Variants in JMJD1C observed in about 807,000 individuals in gnomAD.
JMJD1C encodes the protein jumonji domain-containing protein 1C.
A neutral mutation model predicts 245.3 loss-of-function variants in JMJD1C; 31 were observed. That is an observed-to-expected ratio of 0.13 (90% CI 0.09 to 0.17). The LOEUF is 0.17. Among genes scored for constraint, JMJD1C ranks in the 10% least tolerant of loss-of-function variants. The pLI, the probability that JMJD1C is intolerant of heterozygous loss-of-function variation, is 1.00. For missense variants in JMJD1C, 2,691 were observed against 3,000.2 expected (o/e 0.90, Z 2.41); for synonymous variants, 1,057 against 1,017.4 (o/e 1.04, Z -0.74).
chr10:63,202,318 A>G, intron 10 of JMJD1C: 1 of 983,570 alleles, frequency 1.0e-6, no homozygotes, highest in Non-Finnish European at 1.2e-6. Context: ...TCTAACTTGT[A>G]AGTGTCTTAT....
At chr10:63,202,482 A>G in intron 10 of JMJD1C, 1 of 985,428 alleles carries the variant, frequency 1.0e-6, no homozygotes, top group Non-Finnish European at 1.2e-6. Context: ...TCCTGAGACT[A>G]CGTACTTCTT....
intron 2 of JMJD1C, among the ~76,000 whole-genome samples, chr10:63,301,340 CACAGTGT>C (rs1860049027): frequency 6.6e-6 from 1 of 152,162 alleles, no homozygotes. Context: ...CTCTCACATG[CACAGTGT>C]ACAAACATTC....
intron 10 of JMJD1C, chr10:63,202,969 T>TAG: frequency 1.0e-6 from 1 of 984,462 alleles, no homozygotes; most frequent in Non-Finnish European, 1.2e-6. Context: ...ATGGAACAGT[T>TAG]CAGAGTATGG....
intron 24 of JMJD1C, among the ~76,000 whole-genome samples, chr10:63,172,754 A>T (rs555348460): frequency 1.3e-5 from 2 of 151,750 alleles, no homozygotes; most frequent in South Asian, 4.2e-4. Context: ...TAAAGAAGCA[A>T]GTCTTACAGA....
At chr10:63,481,430 ATT>A (rs936701042) in intron 1 of JMJD1C, among the ~76,000 whole-genome samples, 1 of 148,000 alleles carries the variant, frequency 6.8e-6, no homozygotes. Context: ...TGAAAAACTG[ATT>A]TTTTTTTTTG....
At chr10:63,277,997 T>C (rs978925512) in intron 2 of JMJD1C, among the ~76,000 whole-genome samples, 10 of 151,932 alleles carry the variant, frequency 6.6e-5, no homozygotes, top group Non-Finnish European at 1.3e-4. Context: ...CCTCCCAAAG[T>C]GCTGGGATTA....
In JMJD1C at chr10:63,169,533, C is replaced by G. The variant is rs868660970; in HGVS notation, c.7402-967G>C. Among the ~76,000 whole-genome samples the G allele has an allele frequency of 3.3e-5, 5 of 151,834 alleles. No individual in the cohort carries two copies. In the South Asian group the frequency reaches 8.3e-4, roughly 25 times the overall value. On this transcript the variant is annotated intron_variant, in intron 24 of 25. Coordinates refer to ENST00000399262, the MANE Select transcript of JMJD1C (RefSeq NM_032776.3). Reference sequence around the variant, plus strand: ...AGAGATAGTAAGTGGGAAATGGAGACTGTGGGGAAAAAAAATCTAATTGAT... The same window carrying G: ...AGAGATAGTAAGTGGGAAATGGAGAGTGTGGGGAAAAAAAATCTAATTGAT...
chr10:63,185,130 T>G (rs1843976628), intron 20 of JMJD1C, among the ~76,000 whole-genome samples: 1 of 152,172 alleles, frequency 6.6e-6, no homozygotes, highest in Non-Finnish European at 1.5e-5. Context: ...CAACTCAGTT[T>G]TGCTATCAAT....
At chr10:63,338,654 T>TC (rs1943078689) in intron 2 of JMJD1C, among the ~76,000 whole-genome samples, 2 of 147,294 alleles carry the variant, frequency 1.4e-5, no homozygotes, top group Admixed American at 6.7e-5. Flanking sequence ...TTTTTTTTTT[T>TC]TTTTTTTTTT....
At chr10:63,303,328 C>T (rs1035231728) in intron 2 of JMJD1C, among the ~76,000 whole-genome samples, 1 of 152,110 alleles carries the variant, frequency 6.6e-6, no homozygotes, top group African/African-American at 2.4e-5. Flanking sequence ...GTTGTTCAGA[C>T]GGAGTCTCGC....
intron 2 of JMJD1C, among the ~76,000 whole-genome samples, chr10:63,292,143 G>GTTTTTTTTTTTTTTTTTTT (rs1396774570): frequency 3.0e-4 from 4 of 13,516 alleles, no homozygotes; most frequent in South Asian, 1.6e-3. Context: ...TGTAGAGACA[G>GTTTTTTTTTTTTTTTTTTT]ATTTTTTTTT....
At chr10:63,215,729 A>G (rs898191570) in intron 5 of JMJD1C, 33 bp from the exon 6 acceptor site, 1 of 1,418,166 alleles carries the variant, frequency 7.1e-7, no homozygotes, top group Admixed American at 2.4e-5. Context: ...AACAAAAATT[A>G]AATAGAATGA....
intron 1 of JMJD1C, among the ~76,000 whole-genome samples, chr10:63,442,764 A>G (rs889684397): frequency 2.6e-5 from 4 of 152,258 alleles, no homozygotes; most frequent in South Asian, 4.1e-4. Context: ...CATAGAAAGT[A>G]TAACAATGCC....
intron 2 of JMJD1C, among the ~76,000 whole-genome samples, chr10:63,337,216 G>C (rs911242037): frequency 1.3e-5 from 2 of 151,396 alleles, no homozygotes; most frequent in Non-Finnish European, 2.9e-5. Context: ...AGACCGGCAC[G>C]GGCACCACTG....
chr10:63,493,509 T>C (rs1954248343), intron 1 of JMJD1C, among the ~76,000 whole-genome samples: 2 of 152,136 alleles, frequency 1.3e-5, no homozygotes, highest in Non-Finnish European at 2.9e-5. Flanking sequence ...CTCAAACTCC[T>C]GACCTCAGGT....
intron 1 of JMJD1C, among the ~76,000 whole-genome samples, chr10:63,471,761 G>C (rs1209646448): frequency 2.0e-5 from 3 of 152,290 alleles, no homozygotes; most frequent in East Asian, 3.9e-4. Flanking sequence ...AAATAGGTCA[G>C]GCATGGTAGC....
intron 1 of JMJD1C, among the ~76,000 whole-genome samples, chr10:63,405,313 T>C (rs1949101233): frequency 8.0e-6 from 1 of 124,570 alleles, no homozygotes; most frequent in Non-Finnish European, 1.6e-5. Context: ...ATACCACATG[T>C]AGATTTTTTT....
At chr10:63,197,833 G>A (rs1307261547) in intron 12 of JMJD1C, among the ~76,000 whole-genome samples, 3 of 152,182 alleles carry the variant, frequency 2.0e-5, no homozygotes, top group African/African-American at 2.4e-5. Flanking sequence ...ATAATTCTTT[G>A]TTGGGAGGGA....
At chr10:63,297,243 G>T (rs957130483) in intron 2 of JMJD1C, among the ~76,000 whole-genome samples, 6 of 152,240 alleles carry the variant, frequency 3.9e-5, no homozygotes, top group African/African-American at 1.4e-4. Flanking sequence ...CCAACCCAGA[G>T]AACTTCCTTG....
Sources: gnomAD v4.1 joint callset for allele counts (sites outside exome capture counted in the v4.1 genomes callset) on GRCh38, gnomAD v4.1.1 for gene constraint, MANE v1.5 for transcripts, NCBI Gene and HGNC (gene_info 2026-07-23, HGNC 2026-07-21) for gene names.